CCSER1: variants seen among roughly 807,000 people sequenced by gnomAD.
CCSER1 encodes coiled-coil serine rich protein 1.
A neutral mutation model predicts 82.0 loss-of-function variants in CCSER1; 41 were observed. That is an observed-to-expected ratio of 0.50 (90% CI 0.39 to 0.65). The LOEUF is 0.65. Ranked by LOEUF, CCSER1 falls within the 30% of genes least tolerant of loss-of-function variation. The pLI is 0.00. For synonymous variants in CCSER1, 414 were observed against 383.9 expected, an observed-to-expected ratio of 1.08 and a Z score of -0.92; for missense variants, 1,119 against 1,064.2, an observed-to-expected ratio of 1.05 and a Z score of -0.72.
intron 3 of CCSER1, among the ~76,000 whole-genome samples, chr4:90,331,921 G>T (rs1422317299): frequency 6.6e-6 from 1 of 151,834 alleles, no homozygotes; most frequent in African/African-American, 2.4e-5. Flanking sequence ...GTAGGAAGTA[G>T]AACTCAGAGA....
chr4:91,273,355 G>GT (rs1180952960), intron 10 of CCSER1, among the ~76,000 whole-genome samples: 3 of 151,466 alleles, frequency 2.0e-5, no homozygotes, highest in African/African-American at 4.8e-5. Context: ...TTGTTTTTTT[G>GT]TTTTTTCAGC....
chr4:90,412,480 G>T (rs999773184), intron 4 of CCSER1, among the ~76,000 whole-genome samples: 2 of 146,076 alleles, frequency 1.4e-5, no homozygotes, highest in Non-Finnish European at 3.0e-5. Context: ...ATAAAAAAAA[G>T]AATTTTGAAT....
At chr4:90,304,953 G>A (rs1170243795) in intron 1 of CCSER1, among the ~76,000 whole-genome samples, 24 of 150,596 alleles carry the variant, frequency 1.6e-4, no homozygotes, top group Non-Finnish European at 8.9e-5. Flanking sequence ...GTGTCACTCT[G>A]TCCACCCAGG....
At chr4:91,084,721 T>C (rs1723181123) in intron 9 of CCSER1, among the ~76,000 whole-genome samples, 1 of 152,154 alleles carries the variant, frequency 6.6e-6, no homozygotes, top group Non-Finnish European at 1.5e-5. Context: ...GAAAACAGGC[T>C]ACCACCTATA....
Position 91,599,424 on chromosome 4 carries a change from A to G in CCSER1, c.*367A>G, listed in dbSNP as rs1764731661. 3 of 158,598 alleles carry G rather than the reference A, an allele frequency of 1.9e-5. No homozygotes were observed. In the Admixed American group the frequency reaches 1.9e-4, roughly 10 times the overall value. 9.8% of individuals were successfully genotyped at this position (158,598 alleles called of 1,614,324 possible). ...TCAAATAGCAATCTGTTCACTGTTA[A>G]TGGTGTTACTATAAAAGTAGACCTG... On this transcript the variant is annotated 3_prime_UTR_variant, in exon 11 of 11. Coordinates refer to ENST00000509176, the MANE Select transcript of CCSER1 (RefSeq NM_001145065.2).
chr4:91,560,378 T>A (rs1158827847), intron 10 of CCSER1, among the ~76,000 whole-genome samples: 1 of 151,556 alleles, frequency 6.6e-6, no homozygotes, highest in Non-Finnish European at 1.5e-5. Context: ...ATATTTTGTC[T>A]GAAACATAGT....
intron 1 of CCSER1, among the ~76,000 whole-genome samples, chr4:90,153,104 C>T (rs1263712032): frequency 1.5e-5 from 2 of 137,804 alleles, no homozygotes; most frequent in African/African-American, 2.7e-5. Flanking sequence ...TCTCATTGTT[C>T]AATTCCCACC....
intron 1 of CCSER1, among the ~76,000 whole-genome samples, chr4:90,179,690 A>G (rs1489708388): frequency 6.6e-6 from 1 of 152,198 alleles, no homozygotes; most frequent in African/African-American, 2.4e-5. Flanking sequence ...ATATTTTAAC[A>G]GTTTCCTCGA....
chr4:91,136,950 C>G (rs980665364), intron 10 of CCSER1, among the ~76,000 whole-genome samples: 4 of 151,792 alleles, frequency 2.6e-5, no homozygotes, highest in African/African-American at 9.7e-5. Flanking sequence ...AAACTAAAAA[C>G]CCTAACTTAA....
chr4:90,278,788 A>T (rs1485687522), intron 1 of CCSER1, among the ~76,000 whole-genome samples: 1 of 152,038 alleles, frequency 6.6e-6, no homozygotes, highest in Non-Finnish European at 1.5e-5. Context: ...CACATTATTT[A>T]CCTTTGGAAC....
intron 8 of CCSER1, among the ~76,000 whole-genome samples, chr4:90,891,168 A>T (rs1722907743): frequency 6.6e-6 from 1 of 150,920 alleles, no homozygotes; most frequent in African/African-American, 2.4e-5. Flanking sequence ...TATATAAATA[A>T]TCAAACTAAA....
In CCSER1 at chr4:90,308,967, C is replaced by T. The variant is rs1360525605; in HGVS notation, c.683C>T (p.Pro228Leu). The T allele has an allele frequency of 2.5e-6, 4 of 1,613,824 alleles. No individual in the cohort carries two copies. In the East Asian group the frequency reaches 8.9e-5, roughly 36 times the overall value. The change falls in exon 2 of 11, where the codon CCA becomes CTA. Residue 228 changes from proline (P) to leucine (L), a missense_variant. By Grantham distance (98) the Pro-to-Leu change is moderately conservative (BLOSUM62 -3). Transcript: ENST00000509176. ...GAACCTGTATTAGTAAGAGCTTCGC[C>T]ATCCTGTTCTGTGGATGTAACAGAA... The part of the protein sequence containing the change: ...EREPVLVRAS[P>L]SCSVDVTERA...
rs530143580 is a variant in CCSER1, at chr4:90,866,692, T to C, written c.2094+50847T>C. ...TACGTAGAATAAAAACCACTTCCAC[T>C]TCACTATTTTTTCTCATCTGCAGCA... is the stretch of plus-strand genomic sequence containing the variant. On this transcript the variant is annotated intron_variant, in intron 8 of 10. Coordinates refer to ENST00000509176, the MANE Select transcript of CCSER1 (RefSeq NM_001145065.2). Among the ~76,000 whole-genome samples the C allele has an allele frequency of 3.3e-5, 5 of 152,168 alleles. No individual in the cohort carries two copies. The South Asian group carries it at 1.0e-3, about 32-fold the overall frequency.
intron 10 of CCSER1, among the ~76,000 whole-genome samples, chr4:91,170,756 G>C (rs1248173053): frequency 6.6e-6 from 1 of 152,050 alleles, no homozygotes; most frequent in Non-Finnish European, 1.5e-5. Context: ...CCACTTAATT[G>C]TCCCCTGATT....
chr4:91,043,517 C>T (rs1273123112), intron 9 of CCSER1, among the ~76,000 whole-genome samples: 2 of 150,366 alleles, frequency 1.3e-5, no homozygotes, highest in Non-Finnish European at 2.9e-5. Flanking sequence ...ACATATAGAG[C>T]GTCCATAAGA....
At chr4:90,807,025 A>G (rs1036613128) in intron 7 of CCSER1, among the ~76,000 whole-genome samples, 2 of 152,126 alleles carry the variant, frequency 1.3e-5, no homozygotes, top group African/African-American at 4.8e-5. Context: ...CTTTGGTAAT[A>G]TAAGTAGTAA....
At chr4:90,145,906 C>A (rs1416494967) in intron 1 of CCSER1, among the ~76,000 whole-genome samples, 1 of 151,990 alleles carries the variant, frequency 6.6e-6, no homozygotes, top group Non-Finnish European at 1.5e-5. Context: ...TCTTAGGGTA[C>A]CTTTTTTTCC....
At chr4:90,756,159 CAG>C (rs1749486661) in intron 7 of CCSER1, among the ~76,000 whole-genome samples, 1 of 152,104 alleles carries the variant, frequency 6.6e-6, no homozygotes, top group South Asian at 2.1e-4. Context: ...ATCCGGGAGA[CAG>C]AGATTGCAGT....
At chr4:91,097,207 T>C (rs2148840957) in intron 10 of CCSER1, among the ~76,000 whole-genome samples, 1 of 152,358 alleles carries the variant, frequency 6.6e-6, no homozygotes, top group East Asian at 1.9e-4. Context: ...CTTTATATCA[T>C]GATGAAGAGA....
Sources: gnomAD v4.1 joint callset for allele counts (sites outside exome capture counted in the v4.1 genomes callset) on GRCh38, gnomAD v4.1.1 for gene constraint, MANE v1.5 for transcripts, NCBI Gene and HGNC (gene_info 2026-07-23, HGNC 2026-07-21) for gene names.